Variants in NOL8 observed in about 807,000 individuals in gnomAD.
The protein encoded by NOL8 is nucleolar protein 8.
NOL8 carries 93 observed loss-of-function variants against 116.1 expected under a neutral mutation model. The ratio of observed to expected loss-of-function variants is 0.80; its 90% CI spans 0.68 to 0.95. The LOEUF is 0.95. NOL8 is among the 40% of genes least tolerant of loss of function. NOL8 has a pLI of 0.00. For synonymous variants in NOL8, 419 were observed against 469.0 expected, an observed-to-expected ratio of 0.89 and a Z score of 1.38; for missense variants, 1,291 against 1,382.8, an observed-to-expected ratio of 0.93 and a Z score of 1.05.
At chr9:92,322,081 ATTG>A (rs774521733) in intron 3 of NOL8, among the ~76,000 whole-genome samples, 1 of 152,250 alleles carries the variant, frequency 6.6e-6, no homozygotes, top group East Asian at 1.9e-4. Flanking sequence ...TGTATATTTT[ATTG>A]TTATTTCCTG....
rs372632723 is a variant in NOL8, at chr9:92,315,576, G to T, written c.1049C>A (p.Ser350Tyr). 23 of 1,612,600 alleles carry T rather than the reference G, an allele frequency of 1.4e-5. No individual in the cohort carries two copies. In the African/African-American group the frequency reaches 2.7e-4, roughly 19 times the overall value. Residue 350 changes from serine (S) to tyrosine (Y), a missense_variant, in exon 7 of 17, where the codon TCT becomes TAT. Transcript: ENST00000442668. ...ATTTTTGATACCTAAACCTATTAAA[G>T]AATGCAGTTTGTGAACGCCTGATTT... ...DFKSGVHKLH[S>Y]LIGLGIKNRV...
At chr9:92,299,489 G>A (rs961867019) in intron 14 of NOL8, among the ~76,000 whole-genome samples, 4 of 152,182 alleles carry the variant, frequency 2.6e-5, no homozygotes, top group African/African-American at 4.8e-5. Context: ...GTGGCAGGGC[G>A]CCTGTAATCC....
intron 7 of NOL8, 71 bp downstream of exon 7, chr9:92,314,196 C>A: frequency 6.7e-7 from 1 of 1,490,194 alleles, no homozygotes. Flanking sequence ...GGGGGCACAC[C>A]TAACTTCATG....
In NOL8 at chr9:92,315,243, G is replaced by GA; in HGVS notation, c.1381dup (p.Ser461PhefsTer7). On this transcript the variant is annotated frameshift_variant, in exon 7 of 17. Coordinates refer to ENST00000442668, the MANE Select transcript of NOL8 (RefSeq NM_017948.6). LOFTEE classifies it high-confidence loss of function. ...TTCAGAGTCAGCTAATTCTGATGCA[G>GA]AATCAGCATCTTCACTGCTACTGGA... 1 of 1,613,976 alleles carries GA rather than the reference G, an allele frequency of 6.2e-7. No homozygotes were observed. The highest frequency in any genetic ancestry group is 8.5e-7 in the Non-Finnish European group (1 of 1,179,874).
At chr9:92,301,178 TTTATC>T (rs1259876101) in intron 13 of NOL8, among the ~76,000 whole-genome samples, 2 of 152,236 alleles carry the variant, frequency 1.3e-5, no homozygotes, top group Non-Finnish European at 2.9e-5. Flanking sequence ...TATATCTTCT[TTTATC>T]TTATATATAG....
chr9:92,310,220 G>GA lies in NOL8; in HGVS notation c.2636dup (p.Arg880ProfsTer10), dbSNP rs1564217522. The GA allele has an allele frequency of 1.2e-6, 2 of 1,610,458 alleles. No homozygotes were observed. Among genetic ancestry groups the GA allele is most frequent in the Non-Finnish European group, 1.7e-6 (2 of 1,178,422 alleles). ...TTTCTAGAAATCGAGAGTCCATGCG[G>GA]AATCTGTCATCGGTGCCAAAGTGCG... On this transcript the variant is annotated frameshift_variant, in exon 10 of 17. Coordinates refer to ENST00000442668, the MANE Select transcript of NOL8 (RefSeq NM_017948.6). LOFTEE classifies it high-confidence loss of function.
In NOL8 at chr9:92,297,588, AAG is replaced by A; in HGVS notation, c.*246_*247del. ...AGAGGGCAAAGAGATTATATACAAAAAGTATTTTCAAGGACTATCTTGTTCTT... is the reference window on the plus strand; with the variant it reads ...AGAGGGCAAAGAGATTATATACAAAATATTTTCAAGGACTATCTTGTTCTT... On this transcript the variant is annotated 3_prime_UTR_variant, in exon 17 of 17. Transcript: ENST00000442668. 1 of 454,420 alleles carries A rather than the reference AAG, an allele frequency of 2.2e-6. No individual in the cohort carries two copies. The allele number at this position is 454,420 out of a possible 1,614,324, so 28.1% of individuals were successfully genotyped here. A position where few individuals can be genotyped will look rare whatever the true frequency, so the allele number is the denominator to read the frequency against.
intron 16 of NOL8, among the ~76,000 whole-genome samples, 177 bp from the exon 17 acceptor site, chr9:92,298,063 C>T (rs1211630271): frequency 2.0e-5 from 3 of 152,146 alleles, no homozygotes; most frequent in Non-Finnish European, 4.4e-5. Flanking sequence ...ATAATGGGAA[C>T]TATAATTCAG....
rs759913331 is a variant in NOL8, at chr9:92,321,765, T to G, written c.203-19A>C. 8.5e-7 allele frequency: 1 copy of G among 1,177,918 alleles called. No individual in the cohort carries two copies. The highest frequency in any genetic ancestry group is 1.2e-6 in the Non-Finnish European group (1 of 837,268). The allele number at this position is 1,177,918 out of a possible 1,614,324, so 73.0% of individuals were successfully genotyped here. A position where few individuals can be genotyped will look rare whatever the true frequency, so the allele number is the denominator to read the frequency against. ...GACATACCTATAAAGTAAAGAATTA[T>G]TACAAGTACATGGCAATGTAAAAAT... is the stretch of plus-strand genomic sequence containing the variant. On this transcript the variant is annotated intron_variant, in intron 3 of 16. Transcript: ENST00000442668.
At position 92,314,911 on chromosome 9, in the gene NOL8, C is replaced by T. The variant is rs761765353; in HGVS notation, c.1714G>A (p.Ala572Thr). The change falls in exon 7 of 17, where the codon GCT becomes ACT. Residue 572 changes from alanine (A) to threonine (T), a missense_variant. Coordinates refer to ENST00000442668, the MANE Select transcript of NOL8 (RefSeq NM_017948.6). ...KENNLKPKFQAFKGVGCLYEK... is the reference protein window; with the variant it reads ...KENNLKPKFQTFKGVGCLYEK... Reference sequence around the variant, plus strand: ...TATAGACAGCCTACTCCCTTGAAAGCCTGAAATTTTGGCTTTAAATTGTTT... The same window carrying T: ...TATAGACAGCCTACTCCCTTGAAAGTCTGAAATTTTGGCTTTAAATTGTTT... 14 of 1,613,754 alleles carry T rather than the reference C, an allele frequency of 8.7e-6. No homozygotes were observed. The Admixed American group carries it at 2.3e-4, about 27-fold the overall frequency.
At chr9:92,313,728 C>G (rs1245345212) in intron 7 of NOL8, among the ~76,000 whole-genome samples, 1 of 152,210 alleles carries the variant, frequency 6.6e-6, no homozygotes, top group Non-Finnish European at 1.5e-5. Flanking sequence ...TCCCACAAAT[C>G]TTTTCCTACC....
chr9:92,312,827 C>CAAAAAAAAAAAAA (rs35089570), intron 7 of NOL8, among the ~76,000 whole-genome samples: 1 of 55,464 alleles, frequency 1.8e-5, no homozygotes, highest in African/African-American at 7.8e-5. Flanking sequence ...AACTCCATCT[C>CAAAAAAAAAAAAA]AAAAAAAAAA....
chr9:92,318,261 C>A (rs1433658397), intron 6 of NOL8, among the ~76,000 whole-genome samples: 1 of 152,130 alleles, frequency 6.6e-6, no homozygotes, highest in Non-Finnish European at 1.5e-5. Flanking sequence ...CTTCCCATCA[C>A]TTCTTATTAA....
Position 92,318,693 on chromosome 9 carries a change from G to GAA in NOL8, c.418-9_418-8dup. The stretch of plus-strand genomic sequence containing the variant: ...ATTTGCTCACAACCCAATTCTAAAA[G>GAA]AAAAAAAAAGAATTTATTTACTATA... On this transcript the variant is annotated splice_polypyrimidine_tract_variant and splice_region_variant and intron_variant, in intron 5 of 16. Coordinates refer to ENST00000442668, the MANE Select transcript of NOL8 (RefSeq NM_017948.6). The GAA allele has an allele frequency of 2.0e-6, 3 of 1,512,590 alleles. No homozygotes were observed. Among genetic ancestry groups the GAA allele is most frequent in the Non-Finnish European group, 2.7e-6 (3 of 1,123,312 alleles). 93.7% of individuals were successfully genotyped at this position (1,512,590 alleles called of 1,614,324 possible).
chr9:92,306,591 A>G (rs1035887155), intron 11 of NOL8, among the ~76,000 whole-genome samples: 8 of 152,222 alleles, frequency 5.3e-5, no homozygotes, highest in Non-Finnish European at 8.8e-5. Context: ...GAAAATTTCC[A>G]TAACAGTTAC....
intron 15 of NOL8, 69 bp downstream of exon 15, chr9:92,298,815 G>C (rs1328878560): frequency 2.3e-6 from 2 of 867,448 alleles, no homozygotes; most frequent in East Asian, 2.9e-5. Context: ...AAAATTCCTG[G>C]ATGTGAATTA....
chr9:92,298,320 C>G lies in NOL8; in HGVS notation c.3390G>C (p.Trp1130Cys), dbSNP rs1208375672. Residue 1130 changes from tryptophan (W) to cysteine (C), a missense_variant, in exon 16 of 17, where the codon TGG becomes TGC. Physicochemically the swap from Trp to Cys is radical, Grantham distance 215 (BLOSUM62 -2). Coordinates refer to ENST00000442668, the MANE Select transcript of NOL8 (RefSeq NM_017948.6). ...TGCTCATATTACTTCCTACTCCTCT[C>G]CAGAATAAGTCAGAACCTATTAGGG... is the stretch of plus-strand genomic sequence containing the variant. The part of the protein sequence containing the change: ...DERLQGSDLF[W>C]RGVGSNMSRN... 6.2e-7 allele frequency: 1 copy of G among 1,606,570 alleles called. No homozygotes were observed. Among genetic ancestry groups the G allele is most frequent in the Non-Finnish European group, 8.5e-7 (1 of 1,176,438 alleles).
At chr9:92,300,123 C>A in intron 13 of NOL8, 107 bp from the exon 14 acceptor site, 2 of 1,423,284 alleles carry the variant, frequency 1.4e-6, no homozygotes, top group Non-Finnish European at 1.9e-6. Flanking sequence ...TCTAAAGTTC[C>A]AATATGTTAA....
At position 92,320,146 on chromosome 9, in the gene NOL8, G is replaced by A. The variant is rs1273208801; in HGVS notation, c.282-790C>T. ...TGATTATCCATATCCTCCTAATGAAGAGAATGCCACCTCTTCTGATTCAAA... is the reference window on the plus strand; with the variant it reads ...TGATTATCCATATCCTCCTAATGAAAAGAATGCCACCTCTTCTGATTCAAA... On this transcript the variant is annotated intron_variant, in intron 4 of 16. Transcript: ENST00000442668. The A allele has an allele frequency of 1.1e-5, 5 of 456,110 alleles. No individual in the cohort carries two copies. The Admixed American group carries it at 1.2e-4, about 11-fold the overall frequency. The allele number at this position is 456,110 out of a possible 1,614,324, so 28.3% of individuals were successfully genotyped here.
Sources: gnomAD v4.1 joint callset for allele counts (sites outside exome capture counted in the v4.1 genomes callset) on GRCh38, gnomAD v4.1.1 for gene constraint, MANE v1.5 for transcripts, NCBI Gene and HGNC (gene_info 2026-07-23, HGNC 2026-07-21) for gene names.